TNNI3K: variants seen among roughly 807,000 people sequenced by gnomAD.
TNNI3K encodes TNNI3 interacting kinase.
In TNNI3K, 140 loss-of-function variants were observed where a neutral mutation model predicts 114.5. The observed-to-expected ratio is 1.22, with a 90% CI of 1.07 to 1.41. TNNI3K has a LOEUF of 1.41. Among genes scored for constraint, TNNI3K ranks in the 40% most tolerant of loss-of-function variants. TNNI3K has a pLI of 0.00. For synonymous variants in TNNI3K, 347 were observed against 347.5 expected, an observed-to-expected ratio of 1.00 and a Z score of 0.02; for missense variants, 1,125 against 1,007.6, an observed-to-expected ratio of 1.12 and a Z score of -1.58.
rs1668921300 is a variant in TNNI3K, at chr1:74,489,254, A to T, written c.2181+6A>T. 1 of 1,606,436 alleles carries T rather than the reference A, an allele frequency of 6.2e-7. No homozygotes were observed. The highest frequency in any genetic ancestry group is 8.5e-7 in the Non-Finnish European group (1 of 1,177,404). On this transcript the variant is annotated splice_donor_region_variant and intron_variant, in intron 22 of 24. Coordinates refer to ENST00000326637, the MANE Select transcript of TNNI3K (RefSeq NM_015978.3). ...AGTGTCTCTGCAACATTGAGGTAAA[A>T]GCTTTAGCTTCTGAAATATGTCCAT...
At chr1:74,314,522 TAGAG>T (rs1659191512) in intron 5 of TNNI3K, among the ~76,000 whole-genome samples, 1 of 152,094 alleles carries the variant, frequency 6.6e-6, no homozygotes, top group African/African-American at 2.4e-5. Flanking sequence ...AAAATGAAAG[TAGAG>T]TCTCTTGTTT....
At chr1:74,490,658 C>A (rs112467118) in intron 22 of TNNI3K, among the ~76,000 whole-genome samples, 9 of 152,152 alleles carry the variant, frequency 5.9e-5, no homozygotes, top group Non-Finnish European at 8.8e-5. Flanking sequence ...GCTTGACTTG[C>A]GCAGTTTCAT....
chr1:74,248,518 T>C (rs1162030277), intron 2 of TNNI3K, among the ~76,000 whole-genome samples: 1 of 152,230 alleles, frequency 6.6e-6, no homozygotes, highest in Non-Finnish European at 1.5e-5. Context: ...TGGCATGTGA[T>C]ATGCAATCAA....
chr1:74,362,379 C>G (rs1662014275), intron 11 of TNNI3K, among the ~76,000 whole-genome samples: 2 of 152,102 alleles, frequency 1.3e-5, no homozygotes, highest in Admixed American at 1.3e-4. Context: ...CCTTCTGTAA[C>G]TGAGACTAAA....
chr1:74,468,134 G>A (rs1041866304), intron 21 of TNNI3K: 1 of 152,190 alleles, frequency 6.6e-6, no homozygotes, highest in African/African-American at 2.4e-5. Context: ...TAGGATTGCT[G>A]CCTCCTGAGA....
Position 74,336,047 on chromosome 1 carries a change from A to G in TNNI3K, c.580A>G (p.Asn194Asp), listed in dbSNP as rs199601010. 24 of 1,593,088 alleles carry G rather than the reference A, an allele frequency of 1.5e-5. No homozygotes were observed. The highest frequency in any genetic ancestry group is 1.8e-5 in the Non-Finnish European group (21 of 1,173,950). Residue 194 changes from asparagine to aspartate, a missense_variant, in exon 7 of 25, where the codon AAT becomes GAT. Coordinates refer to ENST00000326637, the MANE Select transcript of TNNI3K (RefSeq NM_015978.3). ...RLLLKFGADV[N>D]VSGEVGDRPL... ...TCTTTTGAAATTTGGTGCTGATGTAAATGTAAGTGGTGAAGTTGGAGATAG... is the reference window on the plus strand; with the variant it reads ...TCTTTTGAAATTTGGTGCTGATGTAGATGTAAGTGGTGAAGTTGGAGATAG...
At position 74,370,338 on chromosome 1, in the gene TNNI3K, G is replaced by T. The variant is rs1295527141; in HGVS notation, c.1718G>T (p.Gly573Val). The T allele has an allele frequency of 6.2e-7, 1 of 1,607,110 alleles. No individual in the cohort carries two copies. Among genetic ancestry groups the T allele is most frequent in the Non-Finnish European group, 8.5e-7 (1 of 1,175,916 alleles). ...ATTATTGCAGTAGATGTTGCCAAAG[G>T]CATGGAGTACCTTCACAACCTGACA... ...KLIIAVDVAKGMEYLHNLTQP... is the reference protein window; with the variant it reads ...KLIIAVDVAKVMEYLHNLTQP... Residue 573 changes from glycine (G) to valine (V), a missense_variant, in exon 17 of 25, where the codon GGC becomes GTC. Transcript: ENST00000326637.
chr1:74,464,636 C>T, intron 21 of TNNI3K: 23 of 1,579,192 alleles, frequency 1.5e-5, no homozygotes, highest in Non-Finnish European at 2.0e-5. Flanking sequence ...TTCCTAAAGG[C>T]AAAATCCAGA....
chr1:74,314,307 G>A (rs971026027), intron 5 of TNNI3K, among the ~76,000 whole-genome samples: 1 of 151,674 alleles, frequency 6.6e-6, no homozygotes, highest in African/African-American at 2.4e-5. Flanking sequence ...AACTTTCAAG[G>A]TGTTTTCTTG....
Position 74,369,538 on chromosome 1 carries a change from A to G in TNNI3K, c.1620A>G (p.Gln540=), listed in dbSNP as rs55654209. Reference sequence around the variant, plus strand: ...CCAGCCAGTTTGCCATTGTCACTCAATACATATCAGGGGGTTCTCTGTTCT... The same window carrying G: ...CCAGCCAGTTTGCCATTGTCACTCAGTACATATCAGGGGGTTCTCTGTTCT... ...NDPSQFAIVT[Q]YISGGSLFSL... The change falls in exon 16 of 25, where the codon CAA becomes CAG. Residue 540 remains glutamine (Q), a synonymous_variant. Coordinates refer to ENST00000326637, the MANE Select transcript of TNNI3K (RefSeq NM_015978.3). The G allele has an allele frequency of 1.4e-3, 2,177 of 1,612,432 alleles. 27 individuals carry two copies. In the African/African-American group the frequency reaches 0.026, roughly 19 times the overall value.
At chr1:74,329,901 A>G (rs888329123) in intron 5 of TNNI3K, among the ~76,000 whole-genome samples, 4 of 152,096 alleles carry the variant, frequency 2.6e-5, no homozygotes, top group Admixed American at 2.0e-4. Flanking sequence ...TATAAACAGA[A>G]GAGGTGATAG....
chr1:74,394,783 G>A lies in TNNI3K; in HGVS notation c.1772+24391G>A, dbSNP rs545089444. Among the ~76,000 whole-genome samples the A allele has an allele frequency of 3.3e-4, 51 of 152,288 alleles. 1 individual carries two copies. The South Asian group carries it at 9.7e-3, about 29-fold the overall frequency. ...ACTTAGGCCGGGCGCAGTGGCTCACGCCTGTAATCCCAGCACTTTGGGAGG... is the reference window on the plus strand; with the variant it reads ...ACTTAGGCCGGGCGCAGTGGCTCACACCTGTAATCCCAGCACTTTGGGAGG... On this transcript the variant is annotated intron_variant, in intron 17 of 24. Coordinates refer to ENST00000326637, the MANE Select transcript of TNNI3K (RefSeq NM_015978.3).
chr1:74,447,151 T>C (rs1046055743), intron 20 of TNNI3K, among the ~76,000 whole-genome samples: 1 of 151,420 alleles, frequency 6.6e-6, no homozygotes, highest in Non-Finnish European at 1.5e-5. Flanking sequence ...ATTTTCACGA[T>C]ATTGATTCTT....
chr1:74,397,904 C>T (rs994415841), intron 17 of TNNI3K, among the ~76,000 whole-genome samples: 10 of 152,200 alleles, frequency 6.6e-5, no homozygotes, highest in East Asian at 1.9e-4. Flanking sequence ...GCCAAGAAGG[C>T]GCTATATATA....
intron 23 of TNNI3K, among the ~76,000 whole-genome samples, chr1:74,512,333 C>T (rs1487953603): frequency 6.6e-6 from 1 of 152,158 alleles, no homozygotes; most frequent in Non-Finnish European, 1.5e-5. Context: ...TAGAACTGTG[C>T]AAAACAGGCA....
intron 17 of TNNI3K, among the ~76,000 whole-genome samples, chr1:74,426,358 C>T (rs1476670007): frequency 6.6e-6 from 1 of 152,062 alleles, no homozygotes; most frequent in Non-Finnish European, 1.5e-5. Flanking sequence ...AGCCTCTGCT[C>T]GTCAGAGATA....
chr1:74,380,006 C>G (rs764950116), intron 17 of TNNI3K, among the ~76,000 whole-genome samples: 1 of 152,240 alleles, frequency 6.6e-6, no homozygotes, highest in South Asian at 2.1e-4. Flanking sequence ...TAGACACACT[C>G]CCTTTAAATG....
chr1:74,259,332 A>C (rs1452641120), intron 4 of TNNI3K, among the ~76,000 whole-genome samples: 1 of 152,216 alleles, frequency 6.6e-6, no homozygotes. Flanking sequence ...AGGCCCAAGA[A>C]CGAGGATCAG....
chr1:74,457,055 A>T (rs569789282), intron 20 of TNNI3K, among the ~76,000 whole-genome samples: 1 of 152,154 alleles, frequency 6.6e-6, no homozygotes, highest in Non-Finnish European at 1.5e-5. Context: ...TAATAACTTC[A>T]TAGGATACAA....
Sources: allele counts gnomAD v4.1 joint callset (sites outside exome capture counted in the v4.1 genomes callset), GRCh38; gene constraint gnomAD v4.1.1; transcripts MANE v1.5; gene names NCBI Gene and HGNC (gene_info 2026-07-23, HGNC 2026-07-21).